PTPRT: variants seen among roughly 807,000 people sequenced by gnomAD.
PTPRT encodes the protein protein tyrosine phosphatase receptor type T.
PTPRT carries 56 observed loss-of-function variants against 176.8 expected under a neutral mutation model. The observed-to-expected ratio is 0.32, with a 90% CI of 0.26 to 0.40. PTPRT has a LOEUF of 0.40. PTPRT is among the 10% of genes least tolerant of loss of function. The pLI, the probability that PTPRT is intolerant of heterozygous loss-of-function variation, is 1.00. For missense variants in PTPRT, 1,540 were observed against 1,908.2 expected (o/e 0.81, Z 3.60); for synonymous variants, 783 against 739.0 (o/e 1.06, Z -0.96).
chr20:42,634,303 G>C (rs1201533949), intron 7 of PTPRT, among the ~76,000 whole-genome samples: 1 of 147,816 alleles, frequency 6.8e-6, no homozygotes, highest in Non-Finnish European at 1.5e-5. Flanking sequence ...TTGCTGGGTT[G>C]AGGTAAGTAT....
In PTPRT at chr20:42,729,062, G is replaced by A. The variant is rs1392460150; in HGVS notation, c.859+27400C>T. Among the ~76,000 whole-genome samples, 3 of 151,944 alleles carry A rather than the reference G, an allele frequency of 2.0e-5. No individual in the cohort carries two copies. The East Asian group carries it at 5.8e-4, about 29-fold the overall frequency. On this transcript the variant is annotated intron_variant, in intron 6 of 30. Coordinates refer to ENST00000373187, the MANE Select transcript of PTPRT (RefSeq NM_007050.6). The stretch of plus-strand genomic sequence containing the variant: ...AGAGGGGCTTCGAGGAGGTGAGTTT[G>A]TCTTCAAATTAAAAAAAAAGGAGCA...
rs755884215 is a variant in PTPRT at position 42,098,556 on chromosome 20, A to G, written c.3715-4T>C. 2 of 1,614,088 alleles carry G rather than the reference A, an allele frequency of 1.2e-6. No homozygotes were observed. The highest frequency in any genetic ancestry group is 2.2e-5 in the South Asian group (2 of 91,072). ...AGGCGGCAGGCTGCTTGTGGCTCTG[A>G]CAAAGGAATGACACAGGCTTCGTAA... On this transcript the variant is annotated splice_region_variant and splice_polypyrimidine_tract_variant and intron_variant, in intron 26 of 30. Transcript: ENST00000373187.
intron 6 of PTPRT, among the ~76,000 whole-genome samples, chr20:42,696,668 G>A (rs1327915893): frequency 6.6e-6 from 1 of 151,970 alleles, no homozygotes; most frequent in Non-Finnish European, 1.5e-5. Context: ...TGTTAGCCAG[G>A]ATGGTCTGCA....
In PTPRT at chr20:42,616,533, T is replaced by G. The variant is rs1214990015; in HGVS notation, c.1153+61333A>C. Among the ~76,000 whole-genome samples the G allele has an allele frequency of 1.6e-5, 2 of 127,378 alleles. 1 individual carries two copies. The highest frequency in any genetic ancestry group is 3.2e-5 in the Non-Finnish European group (2 of 61,976). The allele number at this position is 127,378 out of a possible 152,430, so 83.6% of individuals were successfully genotyped here. On this transcript the variant is annotated intron_variant, in intron 7 of 30. Coordinates refer to ENST00000373187, the MANE Select transcript of PTPRT (RefSeq NM_007050.6). ...AAACTGTAAATTACCTTGGGCAGTATGGCCATTTTCACAATATTGATTCTT... is the reference window on the plus strand; with the variant it reads ...AAACTGTAAATTACCTTGGGCAGTAGGGCCATTTTCACAATATTGATTCTT...
intron 15 of PTPRT, among the ~76,000 whole-genome samples, chr20:42,202,178 C>G (rs891172525): frequency 1.3e-5 from 2 of 152,054 alleles, no homozygotes; most frequent in Non-Finnish European, 2.9e-5. Flanking sequence ...CCATATTGCC[C>G]AGGGTGGTCT....
intron 1 of PTPRT, among the ~76,000 whole-genome samples, chr20:43,128,932 C>A (rs1419427507): frequency 6.6e-6 from 1 of 152,262 alleles, no homozygotes; most frequent in East Asian, 1.9e-4. Flanking sequence ...TATATTTATT[C>A]GTACATATAA....
chr20:43,154,607 G>A (rs775522352), intron 1 of PTPRT, among the ~76,000 whole-genome samples: 11 of 152,034 alleles, frequency 7.2e-5, no homozygotes, highest in Non-Finnish European at 1.6e-4. Context: ...GATTGCTTTG[G>A]GTAGTATAAA....
At chr20:42,232,339 C>A (rs1338486346) in intron 15 of PTPRT, among the ~76,000 whole-genome samples, 2 of 152,188 alleles carry the variant, frequency 1.3e-5, no homozygotes, top group South Asian at 2.1e-4. Context: ...ACAACTGAGA[C>A]TCCAGTTAAG....
At chr20:42,500,072 C>A (rs2145413098) in intron 7 of PTPRT, among the ~76,000 whole-genome samples, 1 of 151,982 alleles carries the variant, frequency 6.6e-6, no homozygotes, top group South Asian at 2.1e-4. Flanking sequence ...TCTTAACTTA[C>A]CTAGGTCTTT....
At position 42,947,349 on chromosome 20, in the gene PTPRT, A is replaced by T. The variant is rs555136287; in HGVS notation, c.89-61417T>A. On this transcript the variant is annotated intron_variant, in intron 1 of 30. Transcript: ENST00000373187. ...TCTTGCAAAGTTTCAATGCTGCCCAACCTTCCCCCAGCCCCTGGCAGCAGA... is the reference window on the plus strand; with the variant it reads ...TCTTGCAAAGTTTCAATGCTGCCCATCCTTCCCCCAGCCCCTGGCAGCAGA... Among the ~76,000 whole-genome samples the T allele has an allele frequency of 3.3e-5, 5 of 152,224 alleles. No homozygotes were observed. The East Asian group carries it at 9.7e-4, about 29-fold the overall frequency.
chr20:42,260,641 G>C (rs1040013403), intron 13 of PTPRT, among the ~76,000 whole-genome samples: 1 of 152,118 alleles, frequency 6.6e-6, no homozygotes, highest in Non-Finnish European at 1.5e-5. Flanking sequence ...CTCAGGAGCA[G>C]CCAGTATAGA....
chr20:43,079,398 A>G (rs975774641), intron 1 of PTPRT, among the ~76,000 whole-genome samples: 1 of 152,112 alleles, frequency 6.6e-6, no homozygotes. Flanking sequence ...TTTTCCTTCA[A>G]TACAAATGTT....
chr20:42,135,822 A>T (rs2146391275), intron 18 of PTPRT, among the ~76,000 whole-genome samples: 1 of 152,290 alleles, frequency 6.6e-6, no homozygotes, highest in Non-Finnish European at 1.5e-5. Context: ...TTAATAACTC[A>T]GGAGAAGGTA....
Position 42,077,458 on chromosome 20 carries a change from G to A in PTPRT, c.*3421C>T, listed in dbSNP as rs1982887173. On this transcript the variant is annotated 3_prime_UTR_variant, in exon 31 of 31. Transcript: ENST00000373187. ...AGCTCCTGTTGTAAAGACTCAGAGA[G>A]CATTAATAATATTTTCCTCTGCTCA... The A allele has an allele frequency of 1.3e-5, 3 of 224,234 alleles. No individual in the cohort carries two copies. The East Asian group carries it at 1.9e-4, about 14-fold the overall frequency. The allele number at this position is 224,234 out of a possible 1,614,324, so 13.9% of individuals were successfully genotyped here. A position where few individuals can be genotyped will look rare whatever the true frequency, so the allele number is the denominator to read the frequency against.
At chr20:42,350,946 G>C (rs1014739765) in intron 10 of PTPRT, among the ~76,000 whole-genome samples, 5 of 152,174 alleles carry the variant, frequency 3.3e-5, no homozygotes, top group Non-Finnish European at 7.3e-5. Context: ...TGTGGGGAAG[G>C]GTAGCAATGA....
intron 1 of PTPRT, among the ~76,000 whole-genome samples, chr20:43,142,135 A>G (rs1363334237): frequency 1.3e-5 from 2 of 152,266 alleles, no homozygotes; most frequent in African/African-American, 4.8e-5. Flanking sequence ...GAATCATCCT[A>G]TATGCCCATG....
chr20:42,207,148 C>T (rs1038591359), intron 15 of PTPRT, among the ~76,000 whole-genome samples: 7 of 151,928 alleles, frequency 4.6e-5, no homozygotes, highest in African/African-American at 1.5e-4. Flanking sequence ...CTGTACATCA[C>T]CATCATCAAA....
At chr20:42,494,011 G>A (rs16987003) in intron 7 of PTPRT, among the ~76,000 whole-genome samples, 5,615 of 151,988 alleles carry the variant, frequency 0.037, 221 homozygotes, top group African/African-American at 0.1. Flanking sequence ...CCCTAAAATG[G>A]ACTGATAAGC....
chr20:43,074,949 TA>T (rs1253105559), intron 1 of PTPRT, among the ~76,000 whole-genome samples: 28 of 152,222 alleles, frequency 1.8e-4, no homozygotes, highest in African/African-American at 6.8e-4. Flanking sequence ...CTGATGTGCT[TA>T]CTTCAACTGC....
Sources: allele counts gnomAD v4.1 joint callset (sites outside exome capture counted in the v4.1 genomes callset), GRCh38; gene constraint gnomAD v4.1.1; transcripts MANE v1.5; gene names NCBI Gene and HGNC (gene_info 2026-07-23, HGNC 2026-07-21).